RAG1: variants seen among roughly 807,000 people sequenced by gnomAD.
RAG1 encodes the protein recombination activating 1, also known as V(D)J recombination-activating protein 1.
RAG1 carries 35 observed loss-of-function variants against 62.7 expected under a neutral mutation model. The ratio of observed to expected loss-of-function variants is 0.56; its 90% CI spans 0.43 to 0.74. The LOEUF (loss-of-function observed/expected upper bound fraction) is 0.74, where lower values mean the gene tolerates loss of function less well. Ranked by LOEUF, RAG1 falls within the 30% of genes least tolerant of loss-of-function variation. The pLI is 0.00. For missense variants in RAG1, 1,169 were observed against 1,278.6 expected, an observed-to-expected ratio of 0.91 and a Z score of 1.31; for synonymous variants, 461 against 470.3, an observed-to-expected ratio of 0.98 and a Z score of 0.26.
chr11:36,523,556 CTATAA>C (rs1718630535), intron 2 of RAG1, among the ~76,000 whole-genome samples: 1 of 152,266 alleles, frequency 6.6e-6, no homozygotes, highest in East Asian at 1.9e-4. Flanking sequence ...TTCTATATAA[CTATAA>C]TATAATTATC....
chr11:36,563,737 G>A (rs759050257), upstream of RAG1, among the ~76,000 whole-genome samples: 1 of 152,086 alleles, frequency 6.6e-6, no homozygotes, highest in Non-Finnish European at 1.5e-5. Context: ...TAAAGCTAAA[G>A]CTCCTTTGTC....
At chr11:36,543,975 A>C (rs1850353131) in intron 3 of RAG1, among the ~76,000 whole-genome samples, 1 of 152,202 alleles carries the variant, frequency 6.6e-6, no homozygotes, top group Non-Finnish European at 1.5e-5. Flanking sequence ...AGATACAGAG[A>C]AATTGAGAAG....
At chr11:36,557,483 C>T (rs896336940) in intron 3 of RAG1, among the ~76,000 whole-genome samples, 8 of 148,268 alleles carry the variant, frequency 5.4e-5, no homozygotes, top group African/African-American at 1.0e-4. Context: ...GCACGGTGCG[C>T]GCACACACTG....
chr11:36,562,151 GT>G (rs1366310438), intron 3 of RAG1, among the ~76,000 whole-genome samples: 6 of 152,142 alleles, frequency 3.9e-5, no homozygotes, highest in Non-Finnish European at 8.8e-5. Flanking sequence ...TTGACTTATA[GT>G]TTTAACAAGA....
chr11:36,546,387 T>G (rs1850393237), intron 3 of RAG1, among the ~76,000 whole-genome samples: 2 of 152,224 alleles, frequency 1.3e-5, no homozygotes, highest in South Asian at 4.1e-4. Flanking sequence ...TATTAGAGAC[T>G]AGGATTGCAA....
upstream of RAG1, among the ~76,000 whole-genome samples, chr11:36,563,106 TAATC>T (rs1469294561): frequency 6.6e-6 from 1 of 152,184 alleles, no homozygotes; most frequent in Non-Finnish European, 1.5e-5. Flanking sequence ...CATCTTAACT[TAATC>T]AACCCATTTA....
intron 1 of RAG1, among the ~76,000 whole-genome samples, chr11:36,518,999 C>T (rs331455): frequency 0.73 from 111,263 of 152,136 alleles, 40,887 homozygotes; most frequent in East Asian, 0.92. Flanking sequence ...AATGATACTA[C>T]TTTCCTGAAG....
intron 3 of RAG1, among the ~76,000 whole-genome samples, chr11:36,546,413 T>G (rs899083440): frequency 6.6e-6 from 1 of 152,218 alleles, no homozygotes; most frequent in Non-Finnish European, 1.5e-5. Flanking sequence ...GCTTTCTTTT[T>G]GCTTTCCATT....
At chr11:36,528,911 C>T (rs577963544) in intron 2 of RAG1, among the ~76,000 whole-genome samples, 92 of 152,240 alleles carry the variant, frequency 6.0e-4, no homozygotes, top group African/African-American at 2.1e-3. Context: ...TGGATAAATT[C>T]CCAGACACAT....
rs550284718 is a variant in RAG1 at position 36,546,373 on chromosome 11, G to GT, written c.-412+10343dup. Among the ~76,000 whole-genome samples, 385 of 152,274 alleles carry GT rather than the reference G, an allele frequency of 2.5e-3. 3 individuals are homozygous for GT. Among genetic ancestry groups the GT allele is most frequent in the African/African-American group, 8.8e-3 (366 of 41,560 alleles). On this transcript the variant is annotated intron_variant and NMD_transcript_variant, in intron 3 of 9. Transcript: ENST00000534663. ...TTTGATCTTTGTCGGTTTAAAGTCT[G>GT]TTTTATTAGAGACTAGGATTGCAAC...
At chr11:36,570,096 A>T (rs1208803706) in intron 1 of RAG1, among the ~76,000 whole-genome samples, 4 of 152,206 alleles carry the variant, frequency 2.6e-5, no homozygotes, top group Non-Finnish European at 4.4e-5. Flanking sequence ...TCAAAGTAAC[A>T]GCTTTTGAAA....
intron 3 of RAG1, among the ~76,000 whole-genome samples, chr11:36,558,120 T>C (rs1398520432): frequency 2.6e-5 from 4 of 152,214 alleles, no homozygotes; most frequent in Admixed American, 2.6e-4. Flanking sequence ...TTTTATTCCA[T>C]TGTGGTCAGA....
rs1850885058 is a variant in RAG1, at chr11:36,578,479, A to G, written c.*2043A>G. 6.0e-6 allele frequency: 1 copy of G among 166,726 alleles called. No individual in the cohort carries two copies. The highest frequency in any genetic ancestry group is 6.5e-5 in the Admixed American group (1 of 15,270). 10.3% of individuals were successfully genotyped at this position (166,726 alleles called of 1,614,324 possible). A position where few individuals can be genotyped will look rare whatever the true frequency, so the allele number is the denominator to read the frequency against. ...CACTAATAAACAGCTAAATTCACAT[A>G]ATCATCCTATTTACTGAAGCATGGT... On this transcript the variant is annotated 3_prime_UTR_variant, in exon 2 of 2. Transcript: ENST00000299440.
chr11:36,548,098 T>C (rs1174377794), intron 3 of RAG1, among the ~76,000 whole-genome samples: 1 of 152,178 alleles, frequency 6.6e-6, no homozygotes, highest in Non-Finnish European at 1.5e-5. Flanking sequence ...AAACTCTCAA[T>C]AAACTAGGTA....
intron 3 of RAG1, among the ~76,000 whole-genome samples, chr11:36,547,212 A>C (rs775569294): frequency 6.6e-6 from 1 of 152,188 alleles, no homozygotes; most frequent in Non-Finnish European, 1.5e-5. Context: ...CATCATAATA[A>C]AAAGAACTAG....
At chr11:36,568,301 C>A (rs1850688800) in intron 1 of RAG1, among the ~76,000 whole-genome samples, 179 bp downstream of exon 1, 1 of 151,618 alleles carries the variant, frequency 6.6e-6, no homozygotes, top group Non-Finnish European at 1.5e-5. Context: ...AGTTTAGGGC[C>A]ACTGAAGGTT....
chr11:36,520,798 T>C (rs1860067669), intron 2 of RAG1, among the ~76,000 whole-genome samples: 1 of 152,200 alleles, frequency 6.6e-6, no homozygotes, highest in African/African-American at 2.4e-5. Context: ...ACAAAGTTGA[T>C]AGCTATTGGT....
chr11:36,548,057 C>T (rs1850425818), intron 3 of RAG1, among the ~76,000 whole-genome samples: 1 of 151,990 alleles, frequency 6.6e-6, no homozygotes, highest in South Asian at 2.1e-4. Flanking sequence ...CAGAAAAGGC[C>T]TTCATAAAAT....
At chr11:36,571,798 G>A (rs1236181273) in intron 1 of RAG1, among the ~76,000 whole-genome samples, 1 of 151,790 alleles carries the variant, frequency 6.6e-6, no homozygotes, top group Non-Finnish European at 1.5e-5. Context: ...TTGTATTTTT[G>A]GTACAGATGG....
Sources: allele counts gnomAD v4.1 joint callset (sites outside exome capture counted in the v4.1 genomes callset), GRCh38; gene constraint gnomAD v4.1.1; transcripts MANE v1.5; gene names NCBI Gene and HGNC (gene_info 2026-07-23, HGNC 2026-07-21).